DHX57: variants seen among roughly 807,000 people sequenced by gnomAD.
The protein encoded by DHX57 is putative ATP-dependent RNA helicase DHX57.
DHX57 carries 105 observed loss-of-function variants against 156.2 expected under a neutral mutation model. That is an observed-to-expected ratio of 0.67 (90% confidence interval 0.57 to 0.79). The LOEUF is 0.79. Among genes scored for constraint, DHX57 ranks in the 30% least tolerant of loss-of-function variants. DHX57 has a pLI of 0.00. For synonymous variants in DHX57, 704 were observed against 595.6 expected (o/e 1.18, Z -2.65); for missense variants, 1,847 against 1,661.9 (o/e 1.11, Z -1.94).
chr2:38,850,946 G>A (rs1027396623), intron 9 of DHX57, among the ~76,000 whole-genome samples: 14 of 152,014 alleles, frequency 9.2e-5, no homozygotes, highest in Non-Finnish European at 1.8e-4. Context: ...GCCTGGTGGC[G>A]TGCACCTGTA....
chr2:38,799,774 G>C (rs77830926), intron 23 of DHX57, among the ~76,000 whole-genome samples: 2 of 148,238 alleles, frequency 1.3e-5, no homozygotes, highest in Non-Finnish European at 3.0e-5. Flanking sequence ...AAAAAAAGTG[G>C]GCCAGGCTCA....
intron 2 of DHX57, among the ~76,000 whole-genome samples, chr2:38,863,903 C>A (rs1353673074): frequency 6.6e-6 from 1 of 151,968 alleles, no homozygotes; most frequent in African/African-American, 2.4e-5. Flanking sequence ...ATCCTAGCTA[C>A]TCAGGAGGCT....
intron 11 of DHX57, among the ~76,000 whole-genome samples, chr2:38,844,868 A>G (rs569238312): frequency 1.3e-5 from 2 of 152,166 alleles, no homozygotes; most frequent in Admixed American, 1.3e-4. Context: ...TAAAGAAGGA[A>G]GGGAACTTAA....
intron 13 of DHX57, among the ~76,000 whole-genome samples, chr2:38,836,014 A>G (rs1384796508): frequency 6.6e-6 from 1 of 152,244 alleles, no homozygotes; most frequent in East Asian, 1.9e-4. Context: ...CCAGTGCCAG[A>G]CAATGAGGAA....
At chr2:38,800,727 C>T (rs1316105113) in intron 23 of DHX57, among the ~76,000 whole-genome samples, 1 of 152,122 alleles carries the variant, frequency 6.6e-6, no homozygotes, top group Non-Finnish European at 1.5e-5. Context: ...GCTATTGCAG[C>T]CCTTTCGATA....
intron 1 of DHX57, among the ~76,000 whole-genome samples, chr2:38,870,742 G>A (rs888048028): frequency 2.0e-5 from 3 of 152,026 alleles, no homozygotes; most frequent in Admixed American, 6.6e-5. Flanking sequence ...AGCTGGGTGT[G>A]GTGGCACACA....
chr2:38,858,609 A>G, intron 6 of DHX57, 52 bp downstream of exon 6: 1 of 1,541,668 alleles, frequency 6.5e-7, no homozygotes, highest in Admixed American at 2.1e-5. Flanking sequence ...TCCTAATCCC[A>G]TCATCCAGAT....
At chr2:38,855,968 T>TGCA (rs1015912576) in intron 7 of DHX57, among the ~76,000 whole-genome samples, 3 of 152,104 alleles carry the variant, frequency 2.0e-5, no homozygotes, top group African/African-American at 7.2e-5. Flanking sequence ...GGTATGGTGG[T>TGCA]GCACCACAGT....
chr2:38,871,125 GTAATTA>G (rs753822894), intron 1 of DHX57, among the ~76,000 whole-genome samples: 7 of 152,040 alleles, frequency 4.6e-5, no homozygotes, highest in Non-Finnish European at 1.0e-4. Context: ...AGGTAATTGA[GTAATTA>G]TTTTTAAAAA....
intron 1 of DHX57, among the ~76,000 whole-genome samples, chr2:38,873,230 A>G (rs968029050): frequency 5.3e-5 from 8 of 152,198 alleles, no homozygotes; most frequent in African/African-American, 1.9e-4. Flanking sequence ...ACCTCAGGTG[A>G]TCTGTCCACC....
chr2:38,821,794 T>G (rs908130657), intron 17 of DHX57, among the ~76,000 whole-genome samples: 1 of 152,004 alleles, frequency 6.6e-6, no homozygotes, highest in African/African-American at 2.4e-5. Flanking sequence ...AAAGCTCAAG[T>G]TACTAGAATC....
chr2:38,854,430 G>A (rs1572695459), intron 8 of DHX57: 1 of 275,322 alleles, frequency 3.6e-6, no homozygotes, highest in Non-Finnish European at 6.9e-6. Flanking sequence ...TTCTCAATCT[G>A]TCTGCTCCTT....
At position 38,848,289 on chromosome 2, in the gene DHX57, C is replaced by T; in HGVS notation, c.2144G>A (p.Cys715Tyr). 1 of 1,601,984 alleles carries T rather than the reference C, an allele frequency of 6.2e-7. No individual in the cohort carries two copies. The highest frequency in any genetic ancestry group is 8.5e-7 in the Non-Finnish European group (1 of 1,175,500). ...TTCACCTGGTATAGTAATAACGGGGCAGGAATTAAAATAGTCTGAAAAAAG... is the reference window on the plus strand; with the variant it reads ...TTCACCTGGTATAGTAATAACGGGGTAGGAATTAAAATAGTCTGAAAAAAG... ...AELFSDYFNSCPVITIPGRTF... is the reference protein window; with the variant it reads ...AELFSDYFNSYPVITIPGRTF... The change falls in exon 10 of 24, where the codon TGC becomes TAC. Residue 715 changes from cysteine (C) to tyrosine (Y), a missense_variant. Coordinates refer to ENST00000457308, the MANE Select transcript of DHX57 (RefSeq NM_198963.3).
rs867740242 is a variant in DHX57, at chr2:38,826,571, T to C, written c.2758A>G (p.Ile920Val). Residue 920 changes from isoleucine to valine, a missense_variant, in exon 15 of 24, where the codon ATA (isoleucine) becomes GTA (valine). Ile to Val is a conservative substitution (Grantham distance 29, BLOSUM62 3). Transcript: ENST00000457308. ...ACATAGACAACATCATCGATGGTTA[T>C]GGATGTCTCAGCAATGTTGGTGGAA... ...IISTNIAETS[I>V]TIDDVVYVID... 3.1e-6 allele frequency: 5 copies of C among 1,614,192 alleles called. No individual in the cohort carries two copies. The highest frequency in any genetic ancestry group is 1.6e-4 in the Middle Eastern group (1 of 6,062).
intron 9 of DHX57, among the ~76,000 whole-genome samples, chr2:38,852,683 T>C (rs970595794): frequency 4.0e-5 from 6 of 150,246 alleles, no homozygotes; most frequent in African/African-American, 4.9e-5. Flanking sequence ...GGTGCAATCA[T>C]AGCACACCAC....
chr2:38,824,705 T>C (rs1671004837), intron 16 of DHX57, among the ~76,000 whole-genome samples: 1 of 152,226 alleles, frequency 6.6e-6, no homozygotes, highest in South Asian at 2.1e-4. Flanking sequence ...TGGAGTGCAA[T>C]GGTATGATCT....
At chr2:38,822,855 A>T in intron 17 of DHX57, 138 bp downstream of exon 17, 1 of 834,926 alleles carries the variant, frequency 1.2e-6, no homozygotes, top group Non-Finnish European at 1.8e-6. Flanking sequence ...CCTCCCATGC[A>T]GATGTGCCCT....
At chr2:38,845,617 T>C (rs541158627) in intron 11 of DHX57, among the ~76,000 whole-genome samples, 1 of 152,090 alleles carries the variant, frequency 6.6e-6, no homozygotes, top group South Asian at 2.1e-4. Flanking sequence ...TGAAATCACA[T>C]GAGTCTAAGG....
intron 2 of DHX57, 34 bp from the exon 3 acceptor site, chr2:38,863,553 A>G: frequency 6.3e-7 from 1 of 1,598,350 alleles, no homozygotes; most frequent in Non-Finnish European, 8.5e-7. Flanking sequence ...TTACACACAT[A>G]TCTTCAATCA....
Sources: gnomAD v4.1 joint callset for allele counts (sites outside exome capture counted in the v4.1 genomes callset) on GRCh38, gnomAD v4.1.1 for gene constraint, MANE v1.5 for transcripts, NCBI Gene and HGNC (gene_info 2026-07-23, HGNC 2026-07-21) for gene names.